The following LEO1 variants were observed in gnomAD, a reference collection of about 807,000 sequenced individuals.
LEO1 encodes the protein RNA polymerase-associated protein LEO1.
A neutral mutation model predicts 80.4 loss-of-function variants in LEO1; 34 were observed. The ratio of observed to expected loss-of-function variants is 0.42; its 90% CI spans 0.32 to 0.56. The LOEUF (loss-of-function observed/expected upper bound fraction) is 0.56, where lower values mean the gene tolerates loss of function less well. Ranked by LOEUF, LEO1 falls within the 20% of genes least tolerant of loss-of-function variation. The pLI is 0.10. For synonymous variants in LEO1, 262 were observed against 274.9 expected (o/e 0.95, Z 0.46); for missense variants, 631 against 814.2 (o/e 0.77, Z 2.74).
At position 51,949,946 on chromosome 15, in the gene LEO1, G is replaced by A. The variant is rs767887140; in HGVS notation, c.1660C>T (p.Arg554Cys). ...TGGTGCTGTTTCTCTCTCATTCGGCGCTGCTGAGATTCCCTACGTATGGAA... is the reference window on the plus strand; with the variant it reads ...TGGTGCTGTTTCTCTCTCATTCGGCACTGCTGAGATTCCCTACGTATGGAA... The part of the protein sequence containing the change: ...RASIRRESQQ[R>C]RMREKQHQRG... The change falls in exon 10 of 12, where the codon CGC (arginine) becomes TGC (cysteine). Residue 554 changes from arginine (R) to cysteine (C), a missense_variant. This residue lies in a region of LEO1 where 117 missense variants were observed against 163.5 expected (regional missense o/e 0.72). Transcript: ENST00000299601. The A allele has an allele frequency of 5.6e-6, 9 of 1,613,782 alleles. No homozygotes were observed. The highest frequency in any genetic ancestry group is 2.7e-5 in the African/African-American group (2 of 74,920).
chr15:51,961,979 T>A (rs2057034561), intron 3 of LEO1, among the ~76,000 whole-genome samples: 1 of 151,664 alleles, frequency 6.6e-6, no homozygotes, highest in Non-Finnish European at 1.5e-5. Flanking sequence ...CTGGCCAACA[T>A]AGTGAAACCC....
chr15:51,960,566 G>T, intron 4 of LEO1, 73 bp downstream of exon 4: 2 of 823,208 alleles, frequency 2.4e-6, no homozygotes, highest in Non-Finnish European at 4.2e-6. Flanking sequence ...TCCTTTCCTG[G>T]AATAAGGGAG....
chr15:51,971,207 C>T (rs1196718524), intron 1 of LEO1, among the ~76,000 whole-genome samples: 1 of 152,188 alleles, frequency 6.6e-6, no homozygotes, highest in Non-Finnish European at 1.5e-5. Context: ...GTCCCAGACT[C>T]GTCATCCAGA....
chr15:51,938,121 A>G lies in LEO1; in HGVS notation c.*35T>C, dbSNP rs1468550609. The G allele has an allele frequency of 9.2e-7, 1 of 1,084,872 alleles. No individual in the cohort carries two copies. Among genetic ancestry groups the G allele is most frequent in the East Asian group, 2.6e-5 (1 of 39,114 alleles). 67.2% of individuals were successfully genotyped at this position (1,084,872 alleles called of 1,614,324 possible). A position where few individuals can be genotyped will look rare whatever the true frequency, so the allele number is the denominator to read the frequency against. ...CATGTTTACATATTTATAACTGTAC[A>G]ATAAAATATATAAAATGTTTTCATA... is the stretch of plus-strand genomic sequence containing the variant. On this transcript the variant is annotated 3_prime_UTR_variant, in exon 12 of 12. Transcript: ENST00000299601.
rs1218932896 is a variant in LEO1 at position 51,971,740 on chromosome 15, C to T, written c.6G>A (p.Ala2=). M[A]DMEDLFGSDA... ...CGCTCCCGAAGAGATCCTCCATATCCGCCATTATCGCTCACGTCCGCTGCT... is the reference window on the plus strand; with the variant it reads ...CGCTCCCGAAGAGATCCTCCATATCTGCCATTATCGCTCACGTCCGCTGCT... Residue 2 remains alanine (A), a synonymous_variant, in exon 1 of 12, where the codon GCG becomes GCA. Coordinates refer to ENST00000299601, the MANE Select transcript of LEO1 (RefSeq NM_138792.4). The T allele has an allele frequency of 6.2e-7, 1 of 1,614,184 alleles. No individual in the cohort carries two copies. Among genetic ancestry groups the T allele is most frequent in the East Asian group, 2.2e-5 (1 of 44,886 alleles).
chr15:51,961,755 TAA>T (rs67578544), intron 3 of LEO1, among the ~76,000 whole-genome samples: 65,865 of 151,460 alleles, frequency 0.43, 14,495 homozygotes, highest in Admixed American at 0.52. Context: ...TTTCTTCATC[TAA>T]GTCAAGAACT....
rs916140892 is a variant in LEO1, at chr15:51,971,775, A to AG, written c.-31dup. On this transcript the variant is annotated 5_prime_UTR_variant, in exon 1 of 12. Transcript: ENST00000299601. ...GCTCACGTCCGCTGCTGCCTCGGTT[A>AG]GGGGCAGCTCCCGGCCTCTCTTTAC... The AG allele has an allele frequency of 4.3e-6, 7 of 1,610,156 alleles. No individual in the cohort carries two copies. The highest frequency in any genetic ancestry group is 5.1e-6 in the Non-Finnish European group (6 of 1,176,538).
intron 11 of LEO1, among the ~76,000 whole-genome samples, chr15:51,945,810 A>G (rs2056895119): frequency 6.6e-6 from 1 of 152,136 alleles, no homozygotes; most frequent in African/African-American, 2.4e-5. Context: ...TGAGGCAGGC[A>G]GATCACAAGG....
intron 1 of LEO1, among the ~76,000 whole-genome samples, chr15:51,969,248 T>C (rs898584988): frequency 6.6e-6 from 1 of 151,270 alleles, no homozygotes; most frequent in African/African-American, 2.4e-5. Context: ...CGTGAGCCAC[T>C]GTGCCTGGCC....
chr15:51,943,239 C>T lies in LEO1; in HGVS notation c.1896+4053G>A, dbSNP rs138792397. 1.4e-3 allele frequency among the ~76,000 whole-genome samples: 215 copies of T among 151,418 alleles called. 11 individuals carry two copies. Among genetic ancestry groups the T allele is most frequent in the East Asian group, 9.8e-3 (50 of 5,116 alleles). ...CTAAAAATACAAAAAACTAGCCAGG[C>T]GTGGTGGCGGGCACCTGTAATCCCA... On this transcript the variant is annotated intron_variant, in intron 11 of 11. Transcript: ENST00000299601.
At chr15:51,971,193 ATCCG>A (rs1167230090) in intron 1 of LEO1, among the ~76,000 whole-genome samples, 1 of 152,076 alleles carries the variant, frequency 6.6e-6, no homozygotes, top group East Asian at 1.9e-4. Flanking sequence ...CCATCCCATT[ATCCG>A]TCCCAGACTC....
At chr15:51,967,818 G>T (rs1005704681) in intron 1 of LEO1, among the ~76,000 whole-genome samples, 5 of 152,190 alleles carry the variant, frequency 3.3e-5, no homozygotes, top group Admixed American at 3.3e-4. Context: ...AAACTAAGAC[G>T]ATATGGAAGA....
chr15:51,960,906 G>A (rs921620812), intron 3 of LEO1, among the ~76,000 whole-genome samples, 173 bp from the exon 4 acceptor site: 1 of 152,156 alleles, frequency 6.6e-6, no homozygotes, highest in African/African-American at 2.4e-5. Context: ...GGAGAGGGAA[G>A]GGGGCAAATC....
chr15:51,964,125 GA>G (rs1221342191), intron 2 of LEO1, among the ~76,000 whole-genome samples: 1 of 151,582 alleles, frequency 6.6e-6, no homozygotes, highest in Non-Finnish European at 1.5e-5. Flanking sequence ...AGAATGGCGT[GA>G]ACCCAGGAGG....
chr15:51,943,947 A>G (rs1478193128), intron 11 of LEO1, among the ~76,000 whole-genome samples: 2 of 152,180 alleles, frequency 1.3e-5, no homozygotes, highest in African/African-American at 4.8e-5. Context: ...ATGAAGAAAA[A>G]TGAATAGTCC....
At chr15:51,966,892 C>A (rs2057082343) in intron 1 of LEO1, among the ~76,000 whole-genome samples, 1 of 150,322 alleles carries the variant, frequency 6.7e-6, no homozygotes. Context: ...GCCTGGGCGA[C>A]AGAGTGAGAC....
intron 9 of LEO1, among the ~76,000 whole-genome samples, 167 bp downstream of exon 9, chr15:51,951,677 G>A (rs746110759): frequency 5.3e-5 from 8 of 152,286 alleles, no homozygotes; most frequent in Middle Eastern, 3.4e-3. Context: ...TCATTGCCAC[G>A]TCACCAATTG....
At position 51,966,389 on chromosome 15, in the gene LEO1, A is replaced by C; in HGVS notation, c.174T>G (p.Asn58Lys). ...CACTGTCATCTCCAAACAGTTCCTT[A>C]TTACTTGGTTGTCCTGAATCACCTC... ...DERGDSGQPSNKELFGDDSED... is the reference protein window; with the variant it reads ...DERGDSGQPSKKELFGDDSED... Residue 58 changes from asparagine to lysine, a missense_variant, in exon 2 of 12, where the codon AAT (asparagine) becomes AAG (lysine). By Grantham distance (94) the Asn-to-Lys change is moderately conservative. Transcript: ENST00000299601. 2 of 1,614,064 alleles carry C rather than the reference A, an allele frequency of 1.2e-6. No individual in the cohort carries two copies. The highest frequency in any genetic ancestry group is 1.7e-6 in the Non-Finnish European group (2 of 1,179,974).
rs149563751 is a variant in LEO1, at chr15:51,947,383, C to T, written c.1805G>A (p.Arg602Gln). 3 of 1,608,522 alleles carry T rather than the reference C, an allele frequency of 1.9e-6. No homozygotes were observed. The highest frequency in any genetic ancestry group is 2.5e-6 in the Non-Finnish European group (3 of 1,176,556). ...NRYKGGIREE[R>Q]ARIYSSDSDE... Reference sequence around the variant, plus strand: ...ACTGTCTGATGAATAGATTCTGGCTCGTTCCTCTGAAAGCAAAAGTACAGA... The same window carrying T: ...ACTGTCTGATGAATAGATTCTGGCTTGTTCCTCTGAAAGCAAAAGTACAGA... Residue 602 changes from arginine (R) to glutamine (Q), a missense_variant, in exon 11 of 12, where the codon CGA (arginine) becomes CAA (glutamine). By Grantham distance (43) the Arg-to-Gln change is conservative. Transcript: ENST00000299601.
Sources: gnomAD v4.1 joint callset for allele counts (sites outside exome capture counted in the v4.1 genomes callset) on GRCh38, gnomAD v4.1.1 for gene constraint, gnomAD v4.1.1 regional missense constraint, MANE v1.5 for transcripts, NCBI Gene and HGNC (gene_info 2026-07-23, HGNC 2026-07-21) for gene names.